The following SBF2 variants were observed in gnomAD, a reference collection of about 807,000 sequenced individuals.
SBF2 encodes SET binding factor 2, also known as myotubularin-related protein 13.
A neutral mutation model predicts 225.2 loss-of-function variants in SBF2; 112 were observed. The ratio of observed to expected loss-of-function variants is 0.50; its 90% CI spans 0.43 to 0.58. The LOEUF is 0.58. Ranked by LOEUF, SBF2 falls within the 20% of genes least tolerant of loss-of-function variation. The probability of loss-of-function intolerance (pLI) is 0.00; values close to 1 mark genes in which losing one functional copy is unlikely to be tolerated. For synonymous variants in SBF2, 763 were observed against 773.3 expected (o/e 0.99, Z 0.22); for missense variants, 1,996 against 2,206.2 (o/e 0.90, Z 1.91).
intron 30 of SBF2, among the ~76,000 whole-genome samples, chr11:9,809,800 C>T (rs896459220): frequency 6.6e-6 from 1 of 152,022 alleles, no homozygotes; most frequent in African/African-American, 2.4e-5. Context: ...CCTGCCTCAG[C>T]CTCCCAAAGT....
intron 28 of SBF2, among the ~76,000 whole-genome samples, chr11:9,821,444 G>T (rs1854748156): frequency 6.6e-6 from 1 of 152,140 alleles, no homozygotes; most frequent in South Asian, 2.1e-4. Context: ...TGATAAAATG[G>T]CCAGTACTGA....
At chr11:10,214,526 G>C (rs1051028291) in intron 1 of SBF2, among the ~76,000 whole-genome samples, 2 of 152,164 alleles carry the variant, frequency 1.3e-5, no homozygotes, top group Non-Finnish European at 2.9e-5. Flanking sequence ...GGGAGGCTAA[G>C]GCAGGATAAT....
chr11:10,196,866 A>ATATATATATATTTTTTTTTTTTT, intron 1 of SBF2, among the ~76,000 whole-genome samples: 7 of 99,310 alleles, frequency 7.0e-5, no homozygotes, highest in African/African-American at 2.4e-4. Context: ...ATATATATAT[A>ATATATATATATTTTTTTTTTTTT]TTTTTTTTTT....
intron 13 of SBF2, among the ~76,000 whole-genome samples, chr11:9,979,098 G>A (rs575760858): frequency 1.3e-5 from 2 of 152,236 alleles, no homozygotes; most frequent in East Asian, 3.9e-4. Context: ...ATAGGCTTAG[G>A]AAATGAATAG....
intron 28 of SBF2, among the ~76,000 whole-genome samples, chr11:9,823,503 TAAA>T (rs536960639): frequency 1.6e-4 from 19 of 122,424 alleles, no homozygotes; most frequent in Admixed American, 1.6e-4. Context: ...GGGGTTAGGG[TAAA>T]AAAAAAAAAA....
At chr11:9,879,562 A>T (rs1379632750) in intron 17 of SBF2, among the ~76,000 whole-genome samples, 2 of 152,294 alleles carry the variant, frequency 1.3e-5, no homozygotes, top group South Asian at 4.1e-4. Context: ...CTTGGTGAGC[A>T]TAGGGACTGT....
At chr11:10,124,487 T>G (rs61878635) in intron 2 of SBF2, among the ~76,000 whole-genome samples, 16,339 of 152,218 alleles carry the variant, frequency 0.11, 1,028 homozygotes, top group Non-Finnish European at 0.12. Flanking sequence ...GCATCATTTT[T>G]CAATTTTCCT....
At chr11:10,031,795 G>A in intron 3 of SBF2, among the ~76,000 whole-genome samples, 1 of 152,080 alleles carries the variant, frequency 6.6e-6, no homozygotes, top group South Asian at 2.1e-4. Flanking sequence ...CAGGCTGGAG[G>A]GCAGTGGCAC....
At chr11:10,181,022 A>G (rs1228082232) in intron 2 of SBF2, among the ~76,000 whole-genome samples, 2 of 152,100 alleles carry the variant, frequency 1.3e-5, no homozygotes, top group Non-Finnish European at 2.9e-5. Flanking sequence ...CAACTCTCTA[A>G]GCACCGAGTA....
chr11:10,094,657 G>A (rs11607682), intron 2 of SBF2, among the ~76,000 whole-genome samples: 29,761 of 150,368 alleles, frequency 0.2, 3,856 homozygotes, highest in Non-Finnish European at 0.29. Context: ...TGCCCGCCAC[G>A]ACGCCTGGCT....
intron 6 of SBF2, among the ~76,000 whole-genome samples, chr11:10,026,122 T>C (rs1469582603): frequency 6.6e-6 from 1 of 151,816 alleles, no homozygotes; most frequent in Non-Finnish European, 1.5e-5. Flanking sequence ...GGATGTTTAA[T>C]ATCCCTGGTC....
chr11:10,086,040 TGTGTGC>T lies in SBF2; in HGVS notation c.142-43065_142-43060del. On this transcript the variant is annotated intron_variant, in intron 2 of 39. Transcript: ENST00000256190. ...AAGTGGAGGCTGGCACACACGTGCA[TGTGTGC>T]ATGCACGTGTGTGTGTTCTAACCTG... Among the ~76,000 whole-genome samples, 2 of 139,216 alleles carry T rather than the reference TGTGTGC, an allele frequency of 1.4e-5. 1 individual carries two copies. Among genetic ancestry groups the T allele is most frequent in the South Asian group, 4.5e-4 (2 of 4,482 alleles). 91.3% of individuals were successfully genotyped at this position (139,216 alleles called of 152,430 possible).
chr11:10,241,522 GGTT>G (rs1285345440), intron 1 of SBF2, among the ~76,000 whole-genome samples: 2 of 151,774 alleles, frequency 1.3e-5, no homozygotes, highest in Non-Finnish European at 2.9e-5. Context: ...GCTAAAAGTT[GGTT>G]GTTAATTTGA....
intron 2 of SBF2, among the ~76,000 whole-genome samples, chr11:10,093,963 T>A (rs1217294894): frequency 2.0e-5 from 3 of 152,266 alleles, no homozygotes; most frequent in Non-Finnish European, 4.4e-5. Context: ...CATTAAAAAA[T>A]ACAAACAAGG....
intron 2 of SBF2, among the ~76,000 whole-genome samples, chr11:10,180,380 TTAAGTA>T (rs138773877): frequency 0.02 from 3,120 of 152,238 alleles, 81 homozygotes; most frequent in African/African-American, 0.061. Flanking sequence ...CTTCAGCACT[TTAAGTA>T]TATCAGGCCA....
At chr11:9,990,401 C>T (rs1008934444) in intron 12 of SBF2, among the ~76,000 whole-genome samples, 3 of 152,202 alleles carry the variant, frequency 2.0e-5, no homozygotes, top group Non-Finnish European at 4.4e-5. Flanking sequence ...AGCTGCCTCT[C>T]AAAGCCCCCA....
At position 10,221,708 on chromosome 11, in the gene SBF2, T is replaced by C. The variant is rs57616147; in HGVS notation, c.56-27721A>G. Among the ~76,000 whole-genome samples, 1,300 of 152,160 alleles carry C rather than the reference T, an allele frequency of 8.5e-3. 28 individuals are homozygous for C. Among genetic ancestry groups the C allele is most frequent in the African/African-American group, 0.029 (1,217 of 41,502 alleles). The stretch of plus-strand genomic sequence containing the variant: ...TCAGCTACCTATATATAAATAGGTA[T>C]ATACCAAAATATAAAAATCAGGCAC... On this transcript the variant is annotated intron_variant, in intron 1 of 39. Coordinates refer to ENST00000256190, the MANE Select transcript of SBF2 (RefSeq NM_030962.4).
chr11:9,785,604 G>A (rs1434737212), intron 36 of SBF2, among the ~76,000 whole-genome samples: 4 of 152,162 alleles, frequency 2.6e-5, no homozygotes, highest in Non-Finnish European at 5.9e-5. Context: ...GCTCATGCAT[G>A]TAATCCTAGC....
intron 30 of SBF2, chr11:9,810,452 G>A (rs1854119828): frequency 6.6e-6 from 1 of 152,116 alleles, no homozygotes. Context: ...GTATAACATT[G>A]TAATTTTAAA....
Sources: gnomAD v4.1 joint callset for allele counts (sites outside exome capture counted in the v4.1 genomes callset) on GRCh38, gnomAD v4.1.1 for gene constraint, MANE v1.5 for transcripts, NCBI Gene and HGNC (gene_info 2026-07-23, HGNC 2026-07-21) for gene names.